Variants in FHL5 observed in about 807,000 individuals in gnomAD.
FHL5 encodes four and a half LIM domains protein 5.
In FHL5, 33 loss-of-function variants were observed where a neutral mutation model predicts 32.0. That is an observed-to-expected ratio of 1.03 (90% CI 0.78 to 1.38). FHL5 has a LOEUF of 1.38. FHL5 is among the 40% of genes most tolerant of loss of function. FHL5 has a pLI of 0.00. For missense variants in FHL5, 336 were observed against 343.9 expected (o/e 0.98, Z 0.18); for synonymous variants, 114 against 113.6 (o/e 1.00, Z -0.02).
rs1562059738 is a variant in FHL5 at position 96,594,268 on chromosome 6, TATA to T, written c.-12-9333_-12-9331del. Among the ~76,000 whole-genome samples the T allele has an allele frequency of 1.8e-3, 166 of 91,546 alleles. 1 individual carries two copies. The highest frequency in any genetic ancestry group is 5.2e-3 in the African/African-American group (145 of 28,088). 60.1% of individuals were successfully genotyped at this position (91,546 alleles called of 152,430 possible). A position where few individuals can be genotyped will look rare whatever the true frequency, so the allele number is the denominator to read the frequency against. The stretch of plus-strand genomic sequence containing the variant: ...ATATATATATATATATATATATATA[TATA>T]TATGTATGTATGTATTTACTTCTTG... On this transcript the variant is annotated intron_variant, in intron 1 of 5. Transcript: ENST00000450218.
At chr6:96,585,884 A>G (rs1401785453) in intron 1 of FHL5, among the ~76,000 whole-genome samples, 2 of 152,238 alleles carry the variant, frequency 1.3e-5, no homozygotes, top group Admixed American at 6.5e-5. Context: ...CAGGAAAGTA[A>G]TAAGACACAT....
chr6:96,571,872 A>G lies in FHL5; in HGVS notation c.-13+8517A>G, dbSNP rs145307415. ...CCCTGGGATAGTGGTGCTCAGCAGT[A>G]TCCCAGAATGTGTGGGGCCAAGTGT... On this transcript the variant is annotated intron_variant, in intron 1 of 5. Coordinates refer to ENST00000450218, the MANE Select transcript of FHL5 (RefSeq NM_001322466.2). 2.6e-5 allele frequency among the ~76,000 whole-genome samples: 4 copies of G among 152,272 alleles called. No individual in the cohort carries two copies. The East Asian group carries it at 7.7e-4, about 29-fold the overall frequency.
rs1399213704 is a variant in FHL5 at position 96,616,144 on chromosome 6, A to C, written c.*372A>C. 8 of 156,386 alleles carry C rather than the reference A, an allele frequency of 5.1e-5. No individual in the cohort carries two copies. The highest frequency in any genetic ancestry group is 4.1e-4 in the South Asian group (2 of 4,928). 9.7% of individuals were successfully genotyped at this position (156,386 alleles called of 1,614,324 possible). A position where few individuals can be genotyped will look rare whatever the true frequency, so the allele number is the denominator to read the frequency against. ...AGAAAAACTAAGAGATCAAACTGAGAGGTATACATGAGGCTAGTGTTTGCA... is the reference window on the plus strand; with the variant it reads ...AGAAAAACTAAGAGATCAAACTGAGCGGTATACATGAGGCTAGTGTTTGCA... On this transcript the variant is annotated 3_prime_UTR_variant, in exon 6 of 6. Transcript: ENST00000450218.
chr6:96,581,992 G>A (rs1047620163), intron 1 of FHL5, among the ~76,000 whole-genome samples: 50 of 152,228 alleles, frequency 3.3e-4, no homozygotes, highest in African/African-American at 1.2e-3. Context: ...CTGAGCCTAT[G>A]CTGAATACTT....
intron 4 of FHL5, among the ~76,000 whole-genome samples, chr6:96,609,694 CATT>C (rs1689519219): frequency 6.6e-6 from 1 of 152,142 alleles, no homozygotes; most frequent in Admixed American, 6.5e-5. Flanking sequence ...TTTCCTTTGG[CATT>C]TATTCATTCA....
chr6:96,594,477 A>C (rs912217462), intron 1 of FHL5, among the ~76,000 whole-genome samples: 1 of 151,616 alleles, frequency 6.6e-6, no homozygotes, highest in Non-Finnish European at 1.5e-5. Context: ...AAAATATTAA[A>C]TTAGGCCGAC....
intron 1 of FHL5, among the ~76,000 whole-genome samples, chr6:96,574,545 T>G (rs1253193090): frequency 6.6e-6 from 1 of 152,200 alleles, no homozygotes; most frequent in Non-Finnish European, 1.5e-5. Flanking sequence ...TGCTTAGGTT[T>G]CAGACCATAC....
chr6:96,593,018 T>C (rs114796221), intron 1 of FHL5, among the ~76,000 whole-genome samples: 4,378 of 152,178 alleles, frequency 0.029, 183 homozygotes, highest in African/African-American at 0.1. Flanking sequence ...CTATCATCTA[T>C]GTTTCTTACT....
At chr6:96,588,890 A>G (rs887209752) in intron 1 of FHL5, among the ~76,000 whole-genome samples, 5 of 151,928 alleles carry the variant, frequency 3.3e-5, no homozygotes, top group African/African-American at 1.2e-4. Context: ...TTAAAAAAAA[A>G]GTAACAACCT....
At position 96,596,533 on chromosome 6, in the gene FHL5, A is replaced by C. The variant is rs924136375; in HGVS notation, c.-12-7069A>C. ...TAGTTCTCATTTCTTTTGTCTTTGA[A>C]AACACTGTGACCTTCACGATATCTG... On this transcript the variant is annotated intron_variant, in intron 1 of 5. Coordinates refer to ENST00000450218, the MANE Select transcript of FHL5 (RefSeq NM_001322466.2). 5.3e-5 allele frequency among the ~76,000 whole-genome samples: 8 copies of C among 152,122 alleles called. No homozygotes were observed. The South Asian group carries it at 1.7e-3, about 32-fold the overall frequency.
intron 1 of FHL5, among the ~76,000 whole-genome samples, chr6:96,600,268 G>A (rs1771121857): frequency 6.6e-6 from 1 of 152,164 alleles, no homozygotes; most frequent in Non-Finnish European, 1.5e-5. Context: ...AGGGAGTTGG[G>A]TAGGGTGAGA....
chr6:96,602,824 T>C (rs1227064161), intron 1 of FHL5, among the ~76,000 whole-genome samples: 1 of 152,250 alleles, frequency 6.6e-6, no homozygotes, highest in Non-Finnish European at 1.5e-5. Flanking sequence ...TGTTGTTTTC[T>C]ACCACTGATG....
intron 1 of FHL5, among the ~76,000 whole-genome samples, chr6:96,594,120 A>G (rs541273997): frequency 6.6e-6 from 1 of 150,770 alleles, no homozygotes; most frequent in South Asian, 2.1e-4. Context: ...GGACTTTATT[A>G]TACTTATGTT....
chr6:96,600,649 A>T (rs527747124), intron 1 of FHL5, among the ~76,000 whole-genome samples: 1 of 152,288 alleles, frequency 6.6e-6, no homozygotes, highest in South Asian at 2.1e-4. Context: ...TATAGTTATA[A>T]TACCTCTATT....
At chr6:96,570,437 G>T (rs917160920) in intron 1 of FHL5, among the ~76,000 whole-genome samples, 3 of 152,052 alleles carry the variant, frequency 2.0e-5, no homozygotes, top group Non-Finnish European at 4.4e-5. Context: ...TGCCTATAAT[G>T]TACCTCTAAG....
At chr6:96,569,948 G>A (rs973156437) in intron 1 of FHL5, among the ~76,000 whole-genome samples, 4 of 151,304 alleles carry the variant, frequency 2.6e-5, no homozygotes, top group East Asian at 3.9e-4. Context: ...TTGTTTTCCT[G>A]TTGTCTTGTA....
At chr6:96,593,551 C>T (rs925999511) in intron 1 of FHL5, among the ~76,000 whole-genome samples, 5 of 152,052 alleles carry the variant, frequency 3.3e-5, no homozygotes, top group African/African-American at 7.2e-5. Flanking sequence ...TTCTAATTTA[C>T]GTTACTCCAA....
chr6:96,598,853 A>T (rs1434360277), intron 1 of FHL5, among the ~76,000 whole-genome samples: 2 of 152,176 alleles, frequency 1.3e-5, no homozygotes, highest in Admixed American at 1.3e-4. Flanking sequence ...ACTTGTAGCA[A>T]ATTACTTTGC....
At chr6:96,607,746 G>A (rs960469227) in intron 4 of FHL5, among the ~76,000 whole-genome samples, 25 of 151,998 alleles carry the variant, frequency 1.6e-4, no homozygotes, top group Non-Finnish European at 2.1e-4. Flanking sequence ...ACTTTGGAAA[G>A]CCAAGGTGGG....
Sources: allele counts gnomAD v4.1 joint callset (sites outside exome capture counted in the v4.1 genomes callset), GRCh38; gene constraint gnomAD v4.1.1; transcripts MANE v1.5; gene names NCBI Gene and HGNC (gene_info 2026-07-23, HGNC 2026-07-21).